ATP8A2: variants seen among roughly 807,000 people sequenced by gnomAD.
ATP8A2 encodes the protein ATPase phospholipid transporting 8A2, also known as phospholipid-transporting ATPase IB.
In ATP8A2, 100 loss-of-function variants were observed where a neutral mutation model predicts 165.6. That is an observed-to-expected ratio of 0.60 (90% CI 0.51 to 0.71). The LOEUF is 0.71. ATP8A2 is among the 30% of genes least tolerant of loss of function. The pLI, the probability that ATP8A2 is intolerant of heterozygous loss-of-function variation, is 0.00. For missense variants in ATP8A2, 1,227 were observed against 1,479.5 expected (o/e 0.83, Z 2.80); for synonymous variants, 543 against 548.8 (o/e 0.99, Z 0.15).
At chr13:25,999,650 CTG>C (rs1222884726) in intron 35 of ATP8A2, among the ~76,000 whole-genome samples, 1 of 152,156 alleles carries the variant, frequency 6.6e-6, no homozygotes, top group African/African-American at 2.4e-5. Flanking sequence ...ACCTTAAAGA[CTG>C]TGAGTTCATG....
In ATP8A2 at chr13:25,990,233, A is replaced by G. The variant is rs115937413; in HGVS notation, c.3377+21554A>G. ...TTTGAGCATCCACTGTGCACCAGGCACTGTTTTGGGTGCCAAGCATGTAAC... is the reference window on the plus strand; with the variant it reads ...TTTGAGCATCCACTGTGCACCAGGCGCTGTTTTGGGTGCCAAGCATGTAAC... On this transcript the variant is annotated intron_variant, in intron 35 of 36. Transcript: ENST00000381655. Among the ~76,000 whole-genome samples, 1,014 of 140,922 alleles carry G rather than the reference A, an allele frequency of 7.2e-3. 11 individuals carry two copies. Among genetic ancestry groups the G allele is most frequent in the African/African-American group, 0.026 (960 of 37,152 alleles). The allele number at this position is 140,922 out of a possible 152,430, so 92.5% of individuals were successfully genotyped here. A position where few individuals can be genotyped will look rare whatever the true frequency, so the allele number is the denominator to read the frequency against.
At chr13:25,603,618 A>G (rs1593628565) in intron 24 of ATP8A2, among the ~76,000 whole-genome samples, 1 of 151,842 alleles carries the variant, frequency 6.6e-6, no homozygotes, top group South Asian at 2.1e-4. Context: ...GGGGTGTTGG[A>G]GTGGAGGTTG....
At position 25,786,298 on chromosome 13, in the gene ATP8A2, G is replaced by A. The variant is rs115176388; in HGVS notation, c.2679+11339G>A. On this transcript the variant is annotated intron_variant, in intron 27 of 36. Transcript: ENST00000381655. ...AGTTTAGAATGCCCTTAACTTCTCAGTTCCAATGTCCTGGCAGATCAAGTG... is the reference window on the plus strand; with the variant it reads ...AGTTTAGAATGCCCTTAACTTCTCAATTCCAATGTCCTGGCAGATCAAGTG... Among the ~76,000 whole-genome samples, 693 of 152,262 alleles carry A rather than the reference G, an allele frequency of 4.6e-3. 3 individuals carry two copies. Among genetic ancestry groups the A allele is most frequent in the African/African-American group, 0.016 (650 of 41,560 alleles).
At position 25,872,143 on chromosome 13, in the gene ATP8A2, A is replaced by G. The variant is rs1163782151; in HGVS notation, c.3183+9735A>G. On this transcript the variant is annotated intron_variant, in intron 33 of 36. Coordinates refer to ENST00000381655, the MANE Select transcript of ATP8A2 (RefSeq NM_016529.6). ...TCTGGATCTGTGACCCAAACTGGTC[A>G]GCCGGGTCCTCTGCCTCACTGACCA... is the stretch of plus-strand genomic sequence containing the variant. 4.7e-5 allele frequency among the ~76,000 whole-genome samples: 7 copies of G among 149,238 alleles called. No homozygotes were observed. The East Asian group carries it at 1.2e-3, about 26-fold the overall frequency.
chr13:25,450,685 C>T (rs772881511), intron 1 of ATP8A2, among the ~76,000 whole-genome samples: 1 of 152,086 alleles, frequency 6.6e-6, no homozygotes, highest in Non-Finnish European at 1.5e-5. Context: ...GCGCCCGCCA[C>T]CATGCCCGGC....
At chr13:25,731,281 A>G (rs575284044) in intron 25 of ATP8A2, among the ~76,000 whole-genome samples, 1 of 148,134 alleles carries the variant, frequency 6.8e-6, no homozygotes, top group African/African-American at 2.6e-5. Context: ...GAAGAAAAAG[A>G]AAGAAAGAGA....
chr13:25,575,138 C>T (rs1010566244), intron 19 of ATP8A2, among the ~76,000 whole-genome samples: 1 of 152,206 alleles, frequency 6.6e-6, no homozygotes, highest in African/African-American at 2.4e-5. Context: ...TCAGCAGCTG[C>T]AGACATGTCT....
At chr13:25,457,153 A>G (rs1472192648) in intron 1 of ATP8A2, among the ~76,000 whole-genome samples, 2 of 152,208 alleles carry the variant, frequency 1.3e-5, no homozygotes, top group Non-Finnish European at 2.9e-5. Flanking sequence ...TTCCTGGCTT[A>G]AGCACCCAGT....
At chr13:25,676,809 A>G (rs1435235706) in intron 24 of ATP8A2, among the ~76,000 whole-genome samples, 3 of 152,224 alleles carry the variant, frequency 2.0e-5, no homozygotes, top group Non-Finnish European at 4.4e-5. Context: ...TATTCTCTGT[A>G]GTCGATTAAA....
At position 25,795,100 on chromosome 13, in the gene ATP8A2, C is replaced by G. The variant is rs553380769; in HGVS notation, c.2679+20141C>G. On this transcript the variant is annotated intron_variant, in intron 27 of 36. Transcript: ENST00000381655. ...GGGAACAGTTGGAAAAAAACTAAAG[C>G]TTAGTCTCCTTTAAGACTGGAAAAG... Among the ~76,000 whole-genome samples the G allele has an allele frequency of 2.0e-5, 3 of 152,172 alleles. No individual in the cohort carries two copies. In the South Asian group the frequency reaches 6.2e-4, roughly 32 times the overall value.
intron 33 of ATP8A2, among the ~76,000 whole-genome samples, chr13:25,948,264 C>T (rs761202198): frequency 6.6e-6 from 1 of 151,952 alleles, no homozygotes; most frequent in Non-Finnish European, 1.5e-5. Context: ...CAGGAATCAT[C>T]ACACATCATC....
intron 24 of ATP8A2, among the ~76,000 whole-genome samples, chr13:25,616,326 CTTTTT>C (rs535891442): frequency 4.3e-4 from 46 of 106,758 alleles, no homozygotes; most frequent in African/African-American, 1.6e-3. Flanking sequence ...TTCTTTCTTT[CTTTTT>C]TTTTTTTTTT....
In ATP8A2 at chr13:26,013,817, A is replaced by T. The variant is rs148317737; in HGVS notation, c.3469+1195A>T. Among the ~76,000 whole-genome samples the T allele has an allele frequency of 2.1e-3, 313 of 152,276 alleles. 1 individual carries two copies. Among genetic ancestry groups the T allele is most frequent in the African/African-American group, 6.8e-3 (283 of 41,580 alleles). ...ATTTGCAGACTTTCTCAATGGAGAG[A>T]GAAGGAGGGAGACAGAGTATCATTG... On this transcript the variant is annotated intron_variant, in intron 36 of 36. Coordinates refer to ENST00000381655, the MANE Select transcript of ATP8A2 (RefSeq NM_016529.6).
At chr13:25,855,316 G>T (rs1952129846) in intron 30 of ATP8A2, among the ~76,000 whole-genome samples, 1 of 151,638 alleles carries the variant, frequency 6.6e-6, no homozygotes, top group Admixed American at 6.6e-5. Context: ...GGAAACCACT[G>T]ATCTACTGTC....
chr13:25,756,795 C>T (rs2044272461), intron 25 of ATP8A2, among the ~76,000 whole-genome samples: 1 of 152,128 alleles, frequency 6.6e-6, no homozygotes, highest in South Asian at 2.1e-4. Context: ...TTGCTGCTGC[C>T]CTATCATTAT....
chr13:25,696,172 G>C (rs1215527230), intron 24 of ATP8A2, among the ~76,000 whole-genome samples: 4 of 152,220 alleles, frequency 2.6e-5, no homozygotes, highest in African/African-American at 9.6e-5. Flanking sequence ...GGAGTCTTTT[G>C]TTCTGAGCAG....
chr13:25,819,755 G>A (rs779100420), intron 27 of ATP8A2, among the ~76,000 whole-genome samples: 10 of 151,854 alleles, frequency 6.6e-5, no homozygotes, highest in Non-Finnish European at 1.0e-4. Context: ...TTTATGAGAA[G>A]TGGATTTCCA....
rs145860148 is a variant in ATP8A2, at chr13:25,373,942, T to A, written c.76+1654T>A. Reference sequence around the variant, plus strand: ...ACAAGAGTCAGCACTTGCTTGGATGTTCTGCCCAGTGTTGCTGTCTTGAAA... The same window carrying A: ...ACAAGAGTCAGCACTTGCTTGGATGATCTGCCCAGTGTTGCTGTCTTGAAA... On this transcript the variant is annotated intron_variant, in intron 1 of 36. Transcript: ENST00000381655. Among the ~76,000 whole-genome samples, 579 of 152,324 alleles carry A rather than the reference T, an allele frequency of 3.8e-3. 6 individuals carry two copies. The highest frequency in any genetic ancestry group is 0.013 in the African/African-American group (524 of 41,578).
intron 24 of ATP8A2, among the ~76,000 whole-genome samples, chr13:25,689,529 A>G (rs555136334): frequency 2.6e-5 from 4 of 152,308 alleles, no homozygotes; most frequent in South Asian, 4.1e-4. Context: ...AATTTTTCCA[A>G]TTATCAAGGG....
Sources: allele counts gnomAD v4.1 joint callset (sites outside exome capture counted in the v4.1 genomes callset), GRCh38; gene constraint gnomAD v4.1.1; transcripts MANE v1.5; gene names NCBI Gene and HGNC (gene_info 2026-07-23, HGNC 2026-07-21).